Variants in PMM2 observed in about 807,000 individuals in gnomAD.
PMM2 encodes the protein mannose-6-phosphate isomerase.
Under a neutral mutation model 33.2 loss-of-function variants are expected in PMM2, and 35 were observed. The observed-to-expected ratio is 1.06, with a 90% CI of 0.81 to 1.40. The LOEUF (loss-of-function observed/expected upper bound fraction) is 1.40, where lower values mean the gene tolerates loss of function less well. PMM2 is among the 40% of genes most tolerant of loss of function. The pLI is 0.00. For missense variants in PMM2, 386 were observed against 306.0 expected (o/e 1.26, Z -1.95); for synonymous variants, 153 against 114.7 (o/e 1.33, Z -2.13).
chr16:8,804,034 T>TTTTTG (rs1567157568), intron 2 of PMM2, among the ~76,000 whole-genome samples: 1 of 115,546 alleles, frequency 8.7e-6, no homozygotes, highest in Non-Finnish European at 1.7e-5. Flanking sequence ...TTTTTTTGTT[T>TTTTTG]TTTTTTTTTT....
At chr16:8,842,751 A>C (rs2060898343) in intron 7 of PMM2, among the ~76,000 whole-genome samples, 1 of 152,134 alleles carries the variant, frequency 6.6e-6, no homozygotes, top group Admixed American at 6.5e-5. Context: ...TTATAAGAAG[A>C]GTTTATAGGT....
At chr16:8,826,644 C>T (rs568950366) in intron 7 of PMM2, among the ~76,000 whole-genome samples, 1 of 152,104 alleles carries the variant, frequency 6.6e-6, no homozygotes, top group African/African-American at 2.4e-5. Context: ...AACTAAAATG[C>T]ATTAGAGTTG....
rs1254779504 is a variant in PMM2, at chr16:8,847,567, AC to A, written c.640-156del. 7.5e-6 allele frequency: 5 copies of A among 668,052 alleles called. No homozygotes were observed. The Admixed American group carries it at 8.6e-5, about 12-fold the overall frequency. The allele number at this position is 668,052 out of a possible 1,614,324, so 41.4% of individuals were successfully genotyped here. On this transcript the variant is annotated intron_variant, in intron 7 of 7. Coordinates refer to ENST00000268261, the MANE Select transcript of PMM2 (RefSeq NM_000303.3). ...TCTCTTCTTAATAACAATTGTACTC[AC>A]GTTCCTCTCCTGGAAACTAAGAGGA...
intron 2 of PMM2, among the ~76,000 whole-genome samples, chr16:8,802,826 G>A (rs906428296): frequency 7.6e-5 from 4 of 52,458 alleles, no homozygotes; most frequent in South Asian, 1.9e-3. Context: ...ACGAAACTCC[G>A]TCTTGGAAAA....
At chr16:8,834,599 C>T (rs1315416005) in intron 7 of PMM2, among the ~76,000 whole-genome samples, 1 of 151,828 alleles carries the variant, frequency 6.6e-6, no homozygotes, top group Non-Finnish European at 1.5e-5. Flanking sequence ...AGGGAGGGGG[C>T]CTGAATAATC....
At position 8,848,508 on chromosome 16, in the gene PMM2, C is replaced by G. The variant is rs1347969217; in HGVS notation, c.*683C>G. The G allele has an allele frequency of 6.5e-6, 1 of 154,608 alleles. No individual in the cohort carries two copies. The highest frequency in any genetic ancestry group is 1.4e-5 in the Non-Finnish European group (1 of 69,510). The allele number at this position is 154,608 out of a possible 1,614,324, so 9.6% of individuals were successfully genotyped here. On this transcript the variant is annotated 3_prime_UTR_variant, in exon 8 of 8. Coordinates refer to ENST00000268261, the MANE Select transcript of PMM2 (RefSeq NM_000303.3). ...CGGCTGGGCCGGATTCGGACCGGCTCTGTGTTCACTACACTCAGAATAGCC... is the reference window on the plus strand; with the variant it reads ...CGGCTGGGCCGGATTCGGACCGGCTGTGTGTTCACTACACTCAGAATAGCC...
intron 7 of PMM2, among the ~76,000 whole-genome samples, chr16:8,820,503 A>C (rs1444123953): frequency 2.0e-5 from 3 of 152,032 alleles, no homozygotes; most frequent in Non-Finnish European, 4.4e-5. Context: ...ACCGGTGCCC[A>C]CCACCACGCC....
chr16:8,849,045 T>A lies in PMM2; in HGVS notation c.*1220T>A, dbSNP rs1238792628. The A allele has an allele frequency of 6.6e-6, 1 of 152,290 alleles. No homozygotes were observed. The highest frequency in any genetic ancestry group is 2.1e-4 in the South Asian group (1 of 4,840). The allele number at this position is 152,290 out of a possible 1,614,324, so 9.4% of individuals were successfully genotyped here. ...GGGTTGTGTGGCCTCCACTGGGCAC[T>A]TGCCGACCTGAGTCTGGGGCCAGGG... On this transcript the variant is annotated 3_prime_UTR_variant, in exon 8 of 8. Coordinates refer to ENST00000268261, the MANE Select transcript of PMM2 (RefSeq NM_000303.3).
At chr16:8,801,528 A>C (rs2060616292) in intron 1 of PMM2, among the ~76,000 whole-genome samples, 1 of 152,164 alleles carries the variant, frequency 6.6e-6, no homozygotes, top group Admixed American at 6.5e-5. Context: ...AAAATTAGCC[A>C]GGTGTGCTGG....
chr16:8,806,862 A>C, intron 4 of PMM2: 1 of 184,748 alleles, frequency 5.4e-6, no homozygotes, highest in Admixed American at 5.5e-5. Context: ...CAGAAACCCT[A>C]GATCGGGAAG....
At chr16:8,798,155 G>T (rs1375216515) in intron 1 of PMM2, among the ~76,000 whole-genome samples, 1 of 152,252 alleles carries the variant, frequency 6.6e-6, no homozygotes, top group Non-Finnish European at 1.5e-5. Flanking sequence ...GGAAAGATGA[G>T]ACGGGGCTGA....
At chr16:8,836,082 G>A (rs926639439) in intron 7 of PMM2, among the ~76,000 whole-genome samples, 6 of 151,530 alleles carry the variant, frequency 4.0e-5, no homozygotes, top group Non-Finnish European at 8.8e-5. Context: ...AGTTTTAAGA[G>A]GTTTAGAAGC....
chr16:8,825,299 A>G (rs1046323142), intron 7 of PMM2, among the ~76,000 whole-genome samples: 34 of 150,188 alleles, frequency 2.3e-4, no homozygotes, highest in Non-Finnish European at 3.8e-4. Flanking sequence ...CCAAAGTGCT[A>G]GGATTACAGG....
At chr16:8,815,706 C>T (rs1457385620) in intron 7 of PMM2, among the ~76,000 whole-genome samples, 1 of 151,990 alleles carries the variant, frequency 6.6e-6, no homozygotes, top group Non-Finnish European at 1.5e-5. Flanking sequence ...AACACAGGAC[C>T]TGAAACTGTA....
chr16:8,798,067 C>G, intron 1 of PMM2, 119 bp downstream of exon 1: 1 of 927,990 alleles, frequency 1.1e-6, no homozygotes, highest in South Asian at 1.4e-5. Context: ...TACGTCCTCA[C>G]GGCGCTGAAC....
intron 1 of PMM2, among the ~76,000 whole-genome samples, 194 bp from the exon 2 acceptor site, chr16:8,801,605 G>A (rs985062572): frequency 1.7e-4 from 26 of 152,162 alleles, no homozygotes; most frequent in African/African-American, 6.0e-4. Context: ...CAGGGAGGTC[G>A]AGGCTGCGAT....
At chr16:8,802,481 C>G in intron 2 of PMM2, 1 of 341,746 alleles carries the variant, frequency 2.9e-6, no homozygotes, top group Non-Finnish European at 5.8e-6. Flanking sequence ...TTTTGAAGAG[C>G]AGGAGTATGG....
rs918457768 is a variant in PMM2 at position 8,830,854 on chromosome 16, A to G, written c.640-16870A>G. ...TTATCCTTTGTTTCAAAGTTGAACT[A>G]TAGGCCGGGCAGGGTGGCTCACGCC... On this transcript the variant is annotated intron_variant, in intron 7 of 7. Transcript: ENST00000268261. 2.2e-4 allele frequency among the ~76,000 whole-genome samples: 33 copies of G among 152,360 alleles called. 1 individual carries two copies. Among genetic ancestry groups the G allele is most frequent in the Middle Eastern group, 3.4e-3 (1 of 294 alleles).
chr16:8,812,911 A>T, intron 6 of PMM2, 80 bp from the exon 7 acceptor site: 1 of 844,036 alleles, frequency 1.2e-6, no homozygotes. Flanking sequence ...CTGACAAAAG[A>T]GTAAATTGTT....
Sources: allele counts gnomAD v4.1 joint callset (sites outside exome capture counted in the v4.1 genomes callset), GRCh38; gene constraint gnomAD v4.1.1; transcripts MANE v1.5; gene names NCBI Gene and HGNC (gene_info 2026-07-23, HGNC 2026-07-21).